Variants in PTPRN2 observed in about 807,000 individuals in gnomAD.
The protein encoded by PTPRN2 is receptor-type tyrosine-protein phosphatase N2.
PTPRN2 carries 74 observed loss-of-function variants against 118.8 expected under a neutral mutation model. The observed-to-expected ratio is 0.62, with a 90% CI of 0.52 to 0.76. The LOEUF (loss-of-function observed/expected upper bound fraction) is 0.76. PTPRN2 is among the 30% of genes least tolerant of loss of function. The pLI, the probability that PTPRN2 is intolerant of heterozygous loss-of-function variation, is 0.00. For missense variants in PTPRN2, 1,481 were observed against 1,394.4 expected, an observed-to-expected ratio of 1.06 and a Z score of -0.99; for synonymous variants, 641 against 608.0, an observed-to-expected ratio of 1.05 and a Z score of -0.80.
Position 157,784,549 on chromosome 7 carries a change from G to A in PTPRN2, c.1789-101612C>T, listed in dbSNP as rs575858716. Among the ~76,000 whole-genome samples the A allele has an allele frequency of 7.2e-4, 109 of 152,256 alleles. No individual in the cohort carries two copies. The highest frequency in any genetic ancestry group is 2.5e-3 in the African/African-American group (105 of 41,540). Reference sequence around the variant, plus strand: ...CTGGAGAGAAAGCCCTATCCCGCTCGGCCTGACCCTCCTCTCCACAAAGGG... The same window carrying A: ...CTGGAGAGAAAGCCCTATCCCGCTCAGCCTGACCCTCCTCTCCACAAAGGG... On this transcript the variant is annotated intron_variant, in intron 12 of 22. Transcript: ENST00000389418. The surrounding 1 kb of genome is among the most constrained non-coding windows in gnomAD (Gnocchi z 4.6).
intron 2 of PTPRN2, among the ~76,000 whole-genome samples, chr7:158,318,386 TG>T (rs1563129746): frequency 6.6e-6 from 1 of 152,208 alleles, no homozygotes; most frequent in Non-Finnish European, 1.5e-5. Flanking sequence ...AAGCAGGAAC[TG>T]GGCAGCACGT....
intron 11 of PTPRN2, among the ~76,000 whole-genome samples, chr7:157,975,052 G>T (rs1246773069): frequency 6.6e-6 from 1 of 152,062 alleles, no homozygotes; most frequent in Non-Finnish European, 1.5e-5. Context: ...CACACTAAAG[G>T]CCTGGCCCGG....
chr7:158,386,000 T>C (rs1811316384), intron 2 of PTPRN2, among the ~76,000 whole-genome samples: 1 of 125,698 alleles, frequency 8.0e-6, no homozygotes, highest in Non-Finnish European at 1.7e-5. Context: ...CCTGAGTCCC[T>C]CCTCCCGTGC....
chr7:157,700,999 C>T (rs144034254), intron 12 of PTPRN2, among the ~76,000 whole-genome samples: 54 of 152,376 alleles, frequency 3.5e-4, no homozygotes, highest in African/African-American at 1.0e-3. Flanking sequence ...CACACACGCA[C>T]GCTTTCGCAC....
At chr7:157,823,955 T>A (rs551114264) in intron 12 of PTPRN2, among the ~76,000 whole-genome samples, 36 of 152,142 alleles carry the variant, frequency 2.4e-4, no homozygotes, top group African/African-American at 8.4e-4. Context: ...ACAGAGAAAT[T>A]AGAAGTGTTT....
chr7:158,167,205 G>A lies in PTPRN2; in HGVS notation c.636C>T (p.Leu212=). The A allele has an allele frequency of 6.2e-7, 1 of 1,613,726 alleles. No individual in the cohort carries two copies. Among genetic ancestry groups the A allele is most frequent in the Non-Finnish European group, 8.5e-7 (1 of 1,179,946 alleles). ...GGGTCCGCGGCAGGAGGTCCTCGCG[G>A]AGCTGGGTCCGGGACCCGGGAGGGT... ...LTYPPGSRTQ[L]REDLLPRTLG... The change falls in exon 6 of 23, where the codon CTC becomes CTT. Residue 212 remains leucine (L), a synonymous_variant. Coordinates refer to ENST00000389418, the MANE Select transcript of PTPRN2 (RefSeq NM_002847.5).
chr7:158,162,030 C>T (rs542003796), intron 6 of PTPRN2, among the ~76,000 whole-genome samples: 32 of 152,230 alleles, frequency 2.1e-4, no homozygotes, highest in Admixed American at 7.2e-4. Flanking sequence ...AAAATGACAA[C>T]GAGACACCAC....
At chr7:158,128,273 G>A (rs1057240611) in intron 9 of PTPRN2, among the ~76,000 whole-genome samples, 2 of 152,222 alleles carry the variant, frequency 1.3e-5, no homozygotes, top group African/African-American at 4.8e-5. Flanking sequence ...CAAGAAGAGA[G>A]GAGACCTCAC....
chr7:158,311,688 C>T (rs1229007060), intron 3 of PTPRN2, among the ~76,000 whole-genome samples: 2 of 152,284 alleles, frequency 1.3e-5, no homozygotes, highest in African/African-American at 4.8e-5. Flanking sequence ...ACAACTGCAC[C>T]TGCAAGAAGT....
chr7:158,479,289 C>T (rs1330343331), intron 2 of PTPRN2, among the ~76,000 whole-genome samples: 4 of 152,022 alleles, frequency 2.6e-5, no homozygotes, highest in Non-Finnish European at 5.9e-5. Flanking sequence ...TACAAAACAG[C>T]CTGGACGTTG....
At chr7:158,573,229 C>T (rs1458053379) in intron 1 of PTPRN2, among the ~76,000 whole-genome samples, 1 of 152,156 alleles carries the variant, frequency 6.6e-6, no homozygotes, top group Non-Finnish European at 1.5e-5. Context: ...CCCAGCTAAA[C>T]AATTCAAGAT....
chr7:157,874,406 CCT>C lies in PTPRN2; in HGVS notation c.1788+24265_1788+24266del, dbSNP rs1238187659. On this transcript the variant is annotated intron_variant, in intron 12 of 22. Coordinates refer to ENST00000389418, the MANE Select transcript of PTPRN2 (RefSeq NM_002847.5). The surrounding 1 kb of genome is among the most constrained non-coding windows in gnomAD (Gnocchi z 5.8). ...TCCTGCTTTCTGCCCCCTCCTGTCC[CCT>C]CTCTCCTGCCCTGCCCCGATCCTGC... Among the ~76,000 whole-genome samples, 2 of 152,234 alleles carry C rather than the reference CCT, an allele frequency of 1.3e-5. No individual in the cohort carries two copies. The highest frequency in any genetic ancestry group is 1.9e-4 in the East Asian group (1 of 5,194).
intron 22 of PTPRN2, among the ~76,000 whole-genome samples, chr7:157,542,220 G>A (rs921814775): frequency 1.3e-5 from 2 of 152,196 alleles, no homozygotes; most frequent in Non-Finnish European, 1.5e-5. Flanking sequence ...AAGTGTGTTC[G>A]ATGAAGGTGC....
chr7:158,262,445 C>G (rs1016322185), intron 3 of PTPRN2, among the ~76,000 whole-genome samples: 5 of 149,402 alleles, frequency 3.3e-5, no homozygotes, highest in Non-Finnish European at 7.4e-5. Context: ...TTCACACACA[C>G]TGCACACGCA....
chr7:157,864,920 C>T (rs1810529543), intron 12 of PTPRN2: 1 of 152,294 alleles, frequency 6.6e-6, no homozygotes, highest in Admixed American at 6.5e-5. Flanking sequence ...CCCTGACCCC[C>T]AACCTGCACA....
At chr7:158,425,486 A>G (rs13229976) in intron 2 of PTPRN2, among the ~76,000 whole-genome samples, 1 of 28,502 alleles carries the variant, frequency 3.5e-5, no homozygotes, top group Non-Finnish European at 6.0e-5. Flanking sequence ...AGCCTAGCTG[A>G]GGCCTGCGCA....
intron 1 of PTPRN2, among the ~76,000 whole-genome samples, chr7:158,566,122 G>A (rs545485094): frequency 6.6e-6 from 1 of 152,146 alleles, no homozygotes; most frequent in African/African-American, 2.4e-5. Flanking sequence ...GGAGGCCAAG[G>A]TGGGTGGATC....
chr7:158,081,349 C>T lies in PTPRN2; in HGVS notation c.1672G>A (p.Val558Met), dbSNP rs1197495157. 1.1e-5 allele frequency: 17 copies of T among 1,614,200 alleles called. No individual in the cohort carries two copies. Among genetic ancestry groups the T allele is most frequent in the Admixed American group, 1.7e-5 (1 of 60,034 alleles). Residue 558 changes from valine to methionine, a missense_variant, in exon 11 of 23, where the codon GTG becomes ATG. This residue lies in a region of PTPRN2 where 1,115 missense variants were observed against 994.2 expected (regional missense o/e 1.12). Transcript: ENST00000389418. ...GTCACGTTTTGGACATTGGCGCTCACTTTGAAGGTCACTGCTGGTCCGAGA... is the reference window on the plus strand; with the variant it reads ...GTCACGTTTTGGACATTGGCGCTCATTTTGAAGGTCACTGCTGGTCCGAGA... Reference protein sequence around the residue: ...EVLGPAVTFKVSANVQNVTTE... With the variant: ...EVLGPAVTFKMSANVQNVTTE...
chr7:158,169,417 A>AGTGT (rs375257745), intron 5 of PTPRN2, among the ~76,000 whole-genome samples: 22,316 of 136,418 alleles, frequency 0.16, 1,849 homozygotes, highest in East Asian at 0.25. Flanking sequence ...TGCTTTTGTG[A>AGTGT]GTGTGTGTGT....
Sources: gnomAD v4.1 joint callset for allele counts (sites outside exome capture counted in the v4.1 genomes callset) on GRCh38, gnomAD v4.1.1 for gene constraint, gnomAD v4.1.1 regional missense constraint, Gnocchi (gnomAD v3.1) non-coding constraint, MANE v1.5 for transcripts, NCBI Gene and HGNC (gene_info 2026-07-23, HGNC 2026-07-21) for gene names.